PDE11A: variants seen among roughly 807,000 people sequenced by gnomAD.
PDE11A encodes the protein dual 3',5'-cyclic-AMP and -GMP phosphodiesterase 11A.
A neutral mutation model predicts 100.5 loss-of-function variants in PDE11A; 100 were observed. That is an observed-to-expected ratio of 1.00 (90% CI 0.85 to 1.18). The LOEUF (loss-of-function observed/expected upper bound fraction) is 1.18. Among genes scored for constraint, PDE11A ranks in the 50% most tolerant of loss-of-function variants. The pLI is 0.00. For synonymous variants in PDE11A, 381 were observed against 420.8 expected, an observed-to-expected ratio of 0.91 and a Z score of 1.16; for missense variants, 1,141 against 1,152.6, an observed-to-expected ratio of 0.99 and a Z score of 0.15.
chr2:177,931,758 A>C (rs1038386048), intron 2 of PDE11A, among the ~76,000 whole-genome samples: 13 of 152,046 alleles, frequency 8.6e-5, no homozygotes, highest in Non-Finnish European at 1.6e-4. Flanking sequence ...ACAGGAACAA[A>C]CTAACCCCAA....
chr2:177,830,550 G>A (rs553462280), intron 6 of PDE11A, among the ~76,000 whole-genome samples: 88 of 151,292 alleles, frequency 5.8e-4, no homozygotes, highest in Non-Finnish European at 1.1e-3. Flanking sequence ...GCAGTGAGCC[G>A]AGAATGAGCC....
intron 9 of PDE11A, among the ~76,000 whole-genome samples, chr2:177,813,698 A>G (rs2082987859): frequency 1.3e-5 from 2 of 152,148 alleles, no homozygotes; most frequent in Admixed American, 1.3e-4. Flanking sequence ...ACACACAGCA[A>G]GACATGTATT....
At chr2:177,639,908 A>G (rs2080113807) in intron 19 of PDE11A, among the ~76,000 whole-genome samples, 1 of 152,216 alleles carries the variant, frequency 6.6e-6, no homozygotes. Context: ...AAACCAGATT[A>G]GTGTTTGAAC....
chr2:177,694,017 T>A (rs2081076617), intron 15 of PDE11A, among the ~76,000 whole-genome samples: 1 of 152,200 alleles, frequency 6.6e-6, no homozygotes, highest in South Asian at 2.1e-4. Flanking sequence ...GGCAAGTGAA[T>A]CAATCCTCTG....
At chr2:177,656,318 G>A (rs758219465) in intron 19 of PDE11A, among the ~76,000 whole-genome samples, 12 of 152,224 alleles carry the variant, frequency 7.9e-5, no homozygotes, top group South Asian at 6.2e-4. Context: ...ATTCAGTGCA[G>A]TAAAATGCTG....
intron 2 of PDE11A, among the ~76,000 whole-genome samples, chr2:177,956,804 G>A (rs997058663): frequency 1.1e-4 from 16 of 142,600 alleles, no homozygotes; most frequent in African/African-American, 2.6e-4. Context: ...GCAAACTATC[G>A]CAAGGACAAA....
intron 1 of PDE11A, among the ~76,000 whole-genome samples, chr2:178,031,651 C>A (rs964987940): frequency 3.8e-4 from 58 of 151,948 alleles, no homozygotes; most frequent in African/African-American, 1.3e-3. Flanking sequence ...ACTTAAAAGA[C>A]ATTAAAGAAG....
At chr2:177,688,486 G>T (rs907944149) in intron 15 of PDE11A, among the ~76,000 whole-genome samples, 1 of 152,196 alleles carries the variant, frequency 6.6e-6, no homozygotes, top group African/African-American at 2.4e-5. Context: ...GGCATTTTTA[G>T]AAGCATGAGG....
At chr2:177,746,633 C>G (rs558812621) in intron 10 of PDE11A, among the ~76,000 whole-genome samples, 82 of 152,286 alleles carry the variant, frequency 5.4e-4, no homozygotes, top group Non-Finnish European at 9.6e-4. Context: ...AACTTGGAAG[C>G]TAAAAGATAA....
chr2:177,761,799 G>A (rs1217602998), intron 10 of PDE11A, among the ~76,000 whole-genome samples: 1 of 152,216 alleles, frequency 6.6e-6, no homozygotes, highest in African/African-American at 2.4e-5. Context: ...GTTAAGGATA[G>A]CTCAGTGGGA....
chr2:178,095,270 T>C (rs1452528242), intron 2 of PDE11A, among the ~76,000 whole-genome samples: 1 of 151,142 alleles, frequency 6.6e-6, no homozygotes, highest in Non-Finnish European at 1.5e-5. Context: ...TGGGTGCATA[T>C]ACCCATTCCA....
intron 9 of PDE11A, among the ~76,000 whole-genome samples, chr2:177,783,748 G>T (rs2082488577): frequency 6.6e-6 from 1 of 152,168 alleles, no homozygotes; most frequent in Non-Finnish European, 1.5e-5. Context: ...AGACAAAAGG[G>T]TACTGGTTTT....
chr2:177,986,675 C>T (rs1033636793), intron 2 of PDE11A, among the ~76,000 whole-genome samples: 4 of 151,806 alleles, frequency 2.6e-5, no homozygotes, highest in African/African-American at 4.8e-5. Flanking sequence ...ACTAAAAATA[C>T]GAAAAATTAG....
chr2:177,859,296 C>T (rs1352750780), intron 5 of PDE11A, among the ~76,000 whole-genome samples: 3 of 151,372 alleles, frequency 2.0e-5, no homozygotes, highest in Non-Finnish European at 4.4e-5. Flanking sequence ...AACAAATATT[C>T]ATAGCAGCAT....
At chr2:178,047,845 G>T (rs2086771796) in intron 1 of PDE11A, among the ~76,000 whole-genome samples, 1 of 152,192 alleles carries the variant, frequency 6.6e-6, no homozygotes, top group South Asian at 2.1e-4. Flanking sequence ...TGGAGATTCT[G>T]AGGGCCAGAG....
chr2:177,820,429 G>T, intron 6 of PDE11A, 134 bp from the exon 7 acceptor site: 1 of 641,286 alleles, frequency 1.6e-6, no homozygotes, highest in South Asian at 1.9e-5. Flanking sequence ...ACCTAATTTT[G>T]TAATGCATAA....
At chr2:177,960,009 T>C (rs1393931499) in intron 2 of PDE11A, among the ~76,000 whole-genome samples, 1 of 152,158 alleles carries the variant, frequency 6.6e-6, no homozygotes, top group African/African-American at 2.4e-5. Flanking sequence ...CACAGCAATG[T>C]CCTTGCTTAC....
intron 2 of PDE11A, among the ~76,000 whole-genome samples, chr2:178,099,577 G>A (rs1387514816): frequency 1.3e-5 from 2 of 152,046 alleles, no homozygotes; most frequent in African/African-American, 4.8e-5. Flanking sequence ...TAGGATGGCT[G>A]TTATCACAAA....
chr2:177,682,253 A>T (rs2080876355), intron 15 of PDE11A, among the ~76,000 whole-genome samples: 1 of 152,142 alleles, frequency 6.6e-6, no homozygotes, highest in South Asian at 2.1e-4. Context: ...CCACTTCAAG[A>T]TGTTCCGCCT....
Sources: gnomAD v4.1 joint callset for allele counts (sites outside exome capture counted in the v4.1 genomes callset) on GRCh38, gnomAD v4.1.1 for gene constraint, MANE v1.5 for transcripts, NCBI Gene and HGNC (gene_info 2026-07-23, HGNC 2026-07-21) for gene names.